CCDC30: variants seen among roughly 807,000 people sequenced by gnomAD.
CCDC30 encodes the protein coiled-coil domain-containing protein 30.
In CCDC30, 70 loss-of-function variants were observed where a neutral mutation model predicts 100.2. The ratio of observed to expected loss-of-function variants is 0.70; its 90% CI spans 0.58 to 0.85. The LOEUF (loss-of-function observed/expected upper bound fraction) is 0.85. CCDC30 is among the 40% of genes least tolerant of loss of function. The pLI is 0.00. For synonymous variants in CCDC30, 233 were observed against 269.5 expected, an observed-to-expected ratio of 0.86 and a Z score of 1.33; for missense variants, 652 against 771.2, an observed-to-expected ratio of 0.85 and a Z score of 1.83.
chr1:42,603,038 A>G (rs1354372588), intron 10 of CCDC30, among the ~76,000 whole-genome samples: 1 of 152,220 alleles, frequency 6.6e-6, no homozygotes, highest in Non-Finnish European at 1.5e-5. Flanking sequence ...GATTCTATCT[A>G]TTGATGCTAT....
chr1:42,456,438 G>C, the CCDC30 span: 1 of 1,001,270 alleles, frequency 1.0e-6, no homozygotes, highest in African/African-American at 1.7e-5. Context: ...GCGAGATCGG[G>C]ACCTAGTGTC....
At chr1:42,546,423 T>A (rs865899460) in intron 6 of CCDC30, among the ~76,000 whole-genome samples, 26,132 of 90,350 alleles carry the variant, frequency 0.29, 5,808 homozygotes, top group Non-Finnish European at 0.35. Context: ...TATATATATA[T>A]ATATATATAT....
intron 11 of CCDC30, among the ~76,000 whole-genome samples, chr1:42,627,831 C>T (rs1258867122): frequency 6.6e-6 from 1 of 152,140 alleles, no homozygotes; most frequent in African/African-American, 2.4e-5. Flanking sequence ...GCCTGGATGC[C>T]CAGGCAAAAG....
chr1:42,601,207 AAAGTGAAGAT>A (rs1158308168), intron 10 of CCDC30, among the ~76,000 whole-genome samples: 1 of 152,228 alleles, frequency 6.6e-6, no homozygotes, highest in East Asian at 1.9e-4. Context: ...GAACTAAATG[AAAGTGAAGAT>A]ACAACTTATC....
chr1:42,543,967 A>G (rs769911668), intron 6 of CCDC30, among the ~76,000 whole-genome samples: 7 of 152,244 alleles, frequency 4.6e-5, no homozygotes, highest in Admixed American at 2.6e-4. Flanking sequence ...AGACAGGCTC[A>G]GGATATGAAT....
intron 4 of CCDC30, among the ~76,000 whole-genome samples, chr1:42,490,518 T>C (rs1051401616): frequency 1.3e-5 from 2 of 151,494 alleles, no homozygotes; most frequent in East Asian, 3.9e-4. Flanking sequence ...GTACTACTAC[T>C]ATTATTGCTG....
chr1:42,460,131 G>T, upstream of CCDC30: 2 of 1,310,970 alleles, frequency 1.5e-6, no homozygotes, highest in Non-Finnish European at 1.9e-6. Context: ...CACTAGAACT[G>T]TTAATCACCT....
intron 6 of CCDC30, chr1:42,556,303 G>A (rs780740989): frequency 3.1e-6 from 5 of 1,614,032 alleles, no homozygotes; most frequent in Non-Finnish European, 4.2e-6. Flanking sequence ...TAACCATGAA[G>A]CCTGAGGAAA....
intron 1 of CCDC30, among the ~76,000 whole-genome samples, chr1:42,466,294 G>A (rs1442099585): frequency 2.6e-5 from 4 of 152,266 alleles, no homozygotes; most frequent in African/African-American, 9.6e-5. Context: ...ATAGGGTCCT[G>A]GCCCCTGCAA....
chr1:42,456,799 CG>C, the CCDC30 span: 1 of 1,613,266 alleles, frequency 6.2e-7, no homozygotes, highest in East Asian at 2.2e-5. Context: ...CCGCCGGCTA[CG>C]GGGTCCTGTT....
intron 6 of CCDC30, among the ~76,000 whole-genome samples, chr1:42,526,055 T>C (rs1315088455): frequency 1.3e-5 from 2 of 152,194 alleles, no homozygotes; most frequent in Non-Finnish European, 2.9e-5. Context: ...TCCCACGTAT[T>C]TCTGCCATTT....
At chr1:42,543,760 C>A (rs1318835956) in intron 6 of CCDC30, among the ~76,000 whole-genome samples, 7 of 152,250 alleles carry the variant, frequency 4.6e-5, no homozygotes, top group African/African-American at 1.7e-4. Context: ...CAACCTTCTC[C>A]CCTAGAAAGG....
intron 6 of CCDC30, among the ~76,000 whole-genome samples, chr1:42,555,087 CT>C (rs1056706744): frequency 2.6e-5 from 4 of 152,184 alleles, no homozygotes; most frequent in Admixed American, 2.0e-4. Context: ...TCAATACTGT[CT>C]TTTAAATATC....
chr1:42,642,356 A>G (rs1457161407), intron 12 of CCDC30, 117 bp from the exon 17 acceptor site: 13 of 811,458 alleles, frequency 1.6e-5, no homozygotes, highest in African/African-American at 3.5e-5. Flanking sequence ...AGACTAGGGG[A>G]CAGGAAAAAA....
At chr1:42,499,721 C>G (rs1285310459) in intron 6 of CCDC30, among the ~76,000 whole-genome samples, 1 of 151,550 alleles carries the variant, frequency 6.6e-6, no homozygotes, top group African/African-American at 2.4e-5. Flanking sequence ...CTCAGGTAAT[C>G]TTCTTGCCTC....
chr1:42,594,223 T>C (rs896945143), intron 10 of CCDC30: 1 of 152,206 alleles, frequency 6.6e-6, no homozygotes, highest in Non-Finnish European at 1.5e-5. Flanking sequence ...AAAACTTAAT[T>C]ATAGGCCAGG....
chr1:42,576,992 A>T (rs369885223), intron 7 of CCDC30, 28 bp from the exon 12 acceptor site: 3 of 1,514,312 alleles, frequency 2.0e-6, no homozygotes, highest in African/African-American at 1.4e-5. Context: ...ACTTATTTGT[A>T]TTACTCTTAC....
At chr1:42,465,725 C>T (rs2148430607) in intron 1 of CCDC30, among the ~76,000 whole-genome samples, 1 of 152,242 alleles carries the variant, frequency 6.6e-6, no homozygotes, top group South Asian at 2.1e-4. Context: ...AGACATTTGG[C>T]AATGTACGTA....
At chr1:42,623,709 T>G (rs1646882367) in intron 11 of CCDC30, among the ~76,000 whole-genome samples, 1 of 152,226 alleles carries the variant, frequency 6.6e-6, no homozygotes, top group African/African-American at 2.4e-5. Context: ...TGTCTTTGGC[T>G]ATTCTGGGTC....
Sources: gnomAD v4.1 joint callset for allele counts (sites outside exome capture counted in the v4.1 genomes callset) on GRCh38, gnomAD v4.1.1 for gene constraint, MANE v1.5 for transcripts, NCBI Gene and HGNC (gene_info 2026-07-23, HGNC 2026-07-21) for gene names.